Variants in PBX1 observed in about 807,000 individuals in gnomAD.
PBX1 encodes the protein pre-B-cell leukemia transcription factor 1.
In PBX1, 6 loss-of-function variants were observed where a neutral mutation model predicts 53.4. The ratio of observed to expected loss-of-function variants is 0.11; its 90% CI spans 0.06 to 0.22. The LOEUF is 0.22. Ranked by LOEUF, PBX1 falls within the 10% of genes least tolerant of loss-of-function variation. PBX1 has a pLI of 1.00. For missense variants in PBX1, 251 were observed against 551.4 expected, an observed-to-expected ratio of 0.46 and a Z score of 5.46; for synonymous variants, 204 against 212.3, an observed-to-expected ratio of 0.96 and a Z score of 0.34.
chr1:164,788,495 T>G (rs180964930), intron 2 of PBX1, among the ~76,000 whole-genome samples: 1 of 151,928 alleles, frequency 6.6e-6, no homozygotes, highest in South Asian at 2.1e-4. Flanking sequence ...GCTACAAATA[T>G]GAGCATGCAA....
chr1:164,697,200 A>C (rs1662846454), intron 2 of PBX1, among the ~76,000 whole-genome samples: 1 of 152,212 alleles, frequency 6.6e-6, no homozygotes, highest in East Asian at 1.9e-4. Context: ...TCCCTGTTAC[A>C]CTGACCAGTA....
At chr1:164,728,863 T>C (rs1278130920) in intron 2 of PBX1, among the ~76,000 whole-genome samples, 1 of 152,226 alleles carries the variant, frequency 6.6e-6, no homozygotes, top group Non-Finnish European at 1.5e-5. Flanking sequence ...TTTTTCTTCA[T>C]AGAGCTGTGT....
Position 164,799,792 on chromosome 1 carries a change from A to G in PBX1, c.604A>G (p.Ser202Gly). ...CCCAAAGGAGATTGAGCGGATGGTC[A>G]GCATCATCCACCGCAAGTTCAGCTC... is the stretch of plus-strand genomic sequence containing the variant. The part of the protein sequence containing the change: ...ISPKEIERMV[S>G]IIHRKFSSIQ... The change falls in exon 4 of 9, where the codon AGC (serine) becomes GGC (glycine). Residue 202 changes from serine (S) to glycine (G), a missense_variant. Coordinates refer to ENST00000420696, the MANE Select transcript of PBX1 (RefSeq NM_002585.4). 1 of 1,614,150 alleles carries G rather than the reference A, an allele frequency of 6.2e-7. No homozygotes were observed. Among genetic ancestry groups the G allele is most frequent in the Admixed American group, 1.7e-5 (1 of 60,022 alleles).
At chr1:164,618,569 G>C (rs1488486893) in intron 2 of PBX1, among the ~76,000 whole-genome samples, 1 of 152,128 alleles carries the variant, frequency 6.6e-6, no homozygotes, top group Non-Finnish European at 1.5e-5. Flanking sequence ...TAATCTTTAT[G>C]CTCTATTTCT....
intron 2 of PBX1, among the ~76,000 whole-genome samples, chr1:164,790,468 T>A (rs1285960572): frequency 6.6e-6 from 1 of 152,128 alleles, no homozygotes; most frequent in Non-Finnish European, 1.5e-5. Context: ...GACGTGGTAG[T>A]GTTGTGGTTT....
Position 164,870,415 on chromosome 1 carries a change from G to C in PBX1, n.258-28773G>C, listed in dbSNP as rs897141082. Among the ~76,000 whole-genome samples, 5 of 150,726 alleles carry C rather than the reference G, an allele frequency of 3.3e-5. No individual in the cohort carries two copies. The Admixed American group carries it at 3.3e-4, about 10-fold the overall frequency. On this transcript the variant is annotated intron_variant and non_coding_transcript_variant, in intron 2 of 2. Coordinates refer to the PBX1 transcript ENST00000558796. The stretch of plus-strand genomic sequence containing the variant: ...GCTGGAGTGCAGTGGCACGATCTTA[G>C]CTCACTGCAACCTCTGCCTCCTGGG...
At chr1:164,859,141 G>T (rs1211037503) in intron 2 of PBX1, among the ~76,000 whole-genome samples, 4 of 152,152 alleles carry the variant, frequency 2.6e-5, no homozygotes, top group Non-Finnish European at 4.4e-5. Flanking sequence ...TGACAGAAGG[G>T]ATACCCGGTT....
chr1:164,767,903 A>C (rs1446685096), intron 2 of PBX1, among the ~76,000 whole-genome samples: 2 of 152,182 alleles, frequency 1.3e-5, no homozygotes, highest in Non-Finnish European at 2.9e-5. Flanking sequence ...TTTAAATAGA[A>C]CAAGATTTCA....
At chr1:164,808,567 A>G (rs1205288131) in intron 5 of PBX1, among the ~76,000 whole-genome samples, 1 of 152,202 alleles carries the variant, frequency 6.6e-6, no homozygotes, top group Non-Finnish European at 1.5e-5. Context: ...AGTGAAGGCT[A>G]CTGTAGCGAG....
At chr1:164,720,738 C>G (rs778695263) in intron 2 of PBX1, among the ~76,000 whole-genome samples, 1 of 152,200 alleles carries the variant, frequency 6.6e-6, no homozygotes, top group South Asian at 2.1e-4. Context: ...TAGCTAATGT[C>G]TTATTCAGTA....
At chr1:164,654,274 A>G (rs572996271) in intron 2 of PBX1, among the ~76,000 whole-genome samples, 1 of 152,294 alleles carries the variant, frequency 6.6e-6, no homozygotes, top group African/African-American at 2.4e-5. Context: ...TTGAACCAAA[A>G]AGGTAGGATG....
At chr1:164,817,463 T>C (rs1669927071) in intron 6 of PBX1, 1 of 152,242 alleles carries the variant, frequency 6.6e-6, no homozygotes, top group East Asian at 1.9e-4. Flanking sequence ...TCAGTGCTTC[T>C]AGATACTTAT....
chr1:164,750,272 G>T (rs1019302326), intron 2 of PBX1, among the ~76,000 whole-genome samples: 1 of 151,818 alleles, frequency 6.6e-6, no homozygotes, highest in Non-Finnish European at 1.5e-5. Context: ...CTTTGTGTAT[G>T]TATGAAATAT....
chr1:164,680,497 C>G (rs895785640), intron 2 of PBX1: 1 of 152,312 alleles, frequency 6.6e-6, no homozygotes, highest in South Asian at 2.1e-4. Flanking sequence ...ATTTTATACT[C>G]TTATGCAGTG....
chr1:164,688,240 T>G (rs184459743), intron 2 of PBX1, among the ~76,000 whole-genome samples: 1 of 152,322 alleles, frequency 6.6e-6, no homozygotes, highest in East Asian at 1.9e-4. Context: ...TCAGATAGAC[T>G]TGAGGATAAT....
At chr1:164,609,579 C>T (rs1656775127) in intron 2 of PBX1, among the ~76,000 whole-genome samples, 1 of 152,150 alleles carries the variant, frequency 6.6e-6, no homozygotes. Flanking sequence ...TCCCATTCCA[C>T]ATTTCTCTGG....
chr1:164,830,447 A>G (rs1243021307), intron 8 of PBX1, among the ~76,000 whole-genome samples: 1 of 152,192 alleles, frequency 6.6e-6, no homozygotes, highest in Non-Finnish European at 1.5e-5. Context: ...AGAGCTCTTT[A>G]TTAAAAATTA....
chr1:164,816,397 T>C (rs1434391863), intron 6 of PBX1: 2 of 152,236 alleles, frequency 1.3e-5, no homozygotes, highest in Non-Finnish European at 2.9e-5. Flanking sequence ...TGAATCAGGC[T>C]GGCCACATAA....
intron 4 of PBX1, among the ~76,000 whole-genome samples, 195 bp downstream of exon 4, chr1:164,800,084 A>G (rs1284326507): frequency 6.6e-6 from 1 of 152,122 alleles, no homozygotes; most frequent in Non-Finnish European, 1.5e-5. Flanking sequence ...GTTGGAGGGG[A>G]TGATCTTTAT....
Sources: allele counts gnomAD v4.1 joint callset (sites outside exome capture counted in the v4.1 genomes callset), GRCh38; gene constraint gnomAD v4.1.1; transcripts MANE v1.5; gene names NCBI Gene and HGNC (gene_info 2026-07-23, HGNC 2026-07-21).